Variants in ILRUN observed in about 807,000 individuals in gnomAD.
The protein encoded by ILRUN is protein ILRUN.
Under a neutral mutation model 33.8 loss-of-function variants are expected in ILRUN, and 3 were observed. The ratio of observed to expected loss-of-function variants is 0.09; its 90% CI spans 0.04 to 0.23. ILRUN has a LOEUF of 0.23. Among genes scored for constraint, ILRUN ranks in the 10% least tolerant of loss-of-function variants. The pLI is 1.00. For missense variants in ILRUN, 210 were observed against 375.1 expected (o/e 0.56, Z 3.64); for synonymous variants, 124 against 138.9 (o/e 0.89, Z 0.75).
intron 1 of ILRUN, among the ~76,000 whole-genome samples, chr6:34,682,211 C>T (rs183029764): frequency 1.2e-3 from 173 of 145,296 alleles, no homozygotes; most frequent in Non-Finnish European, 2.3e-3. Context: ...GTCACCCAAG[C>T]TGGAGTGCAA....
At chr6:34,599,005 C>A (rs1220376694) in intron 4 of ILRUN, among the ~76,000 whole-genome samples, 2 of 152,206 alleles carry the variant, frequency 1.3e-5, no homozygotes, top group African/African-American at 4.8e-5. Context: ...GCCACACATT[C>A]TTTTGCAGTT....
chr6:34,668,171 A>C (rs1763042916), intron 1 of ILRUN, among the ~76,000 whole-genome samples: 1 of 152,216 alleles, frequency 6.6e-6, no homozygotes, highest in African/African-American at 2.4e-5. Flanking sequence ...TGCTGCTAAG[A>C]ATGTAGAATG....
Position 34,678,591 on chromosome 6 carries a change from T to TAATC in ILRUN, c.158+17851_158+17854dup, listed in dbSNP as rs1763288180. Among the ~76,000 whole-genome samples, 6 of 151,654 alleles carry TAATC rather than the reference T, an allele frequency of 4.0e-5. No individual in the cohort carries two copies. The South Asian group carries it at 1.3e-3, about 32-fold the overall frequency. On this transcript the variant is annotated intron_variant, in intron 1 of 4. Transcript: ENST00000374023. Reference sequence around the variant, plus strand: ...AGCCAGGCGAGGTGGCTCACACCTGTAATCCCAGCACTTTGGGAGGCCGAG... The same window carrying TAATC: ...AGCCAGGCGAGGTGGCTCACACCTGTAATCAATCCCAGCACTTTGGGAGGCCGAG...
chr6:34,661,151 A>G (rs545114264), intron 1 of ILRUN, among the ~76,000 whole-genome samples: 2 of 152,336 alleles, frequency 1.3e-5, no homozygotes, highest in South Asian at 2.1e-4. Context: ...AAAATAAAAA[A>G]TAAGTACTCT....
chr6:34,679,292 C>A (rs868730743), intron 1 of ILRUN, among the ~76,000 whole-genome samples: 1 of 151,952 alleles, frequency 6.6e-6, no homozygotes, highest in African/African-American at 2.4e-5. Context: ...GGCAGAAATA[C>A]AAATGCGTCC....
intron 3 of ILRUN, among the ~76,000 whole-genome samples, chr6:34,626,184 T>G (rs1582056811): frequency 6.6e-6 from 1 of 152,034 alleles, no homozygotes; most frequent in African/African-American, 2.4e-5. Context: ...TTTTTTTCTC[T>G]TTTCCAAGAC....
chr6:34,675,459 A>T (rs1201513403), intron 1 of ILRUN, among the ~76,000 whole-genome samples: 1 of 152,198 alleles, frequency 6.6e-6, no homozygotes, highest in Non-Finnish European at 1.5e-5. Context: ...CATTGAAAAA[A>T]ATTCAGCTAT....
In ILRUN at chr6:34,622,604, C is replaced by A. The variant is rs921527955; in HGVS notation, c.512-15700G>T. Among the ~76,000 whole-genome samples, 3 of 151,886 alleles carry A rather than the reference C, an allele frequency of 2.0e-5. No homozygotes were observed. The East Asian group carries it at 5.8e-4, about 29-fold the overall frequency. On this transcript the variant is annotated intron_variant, in intron 3 of 4. Transcript: ENST00000374023. ...TGCTTCCTAGAGACATCAGAAAATG[C>A]CAAATGTTGGTGAGGATGTGGAGAA...
chr6:34,638,181 C>G lies in ILRUN; in HGVS notation c.511+8420G>C, dbSNP rs572642247. 3.9e-5 allele frequency among the ~76,000 whole-genome samples: 6 copies of G among 152,152 alleles called. No homozygotes were observed. In the South Asian group the frequency reaches 1.0e-3, roughly 26 times the overall value. ...GGGACTACAGGCATGAGCCACCATG[C>G]CGGGCCTTCATACCGACTTTGACTC... On this transcript the variant is annotated intron_variant, in intron 3 of 4. Coordinates refer to ENST00000374023, the MANE Select transcript of ILRUN (RefSeq NM_024294.4).
chr6:34,636,690 CTGTT>C (rs1305727510), intron 3 of ILRUN, among the ~76,000 whole-genome samples: 2 of 152,196 alleles, frequency 1.3e-5, no homozygotes, highest in African/African-American at 4.8e-5. Flanking sequence ...GCCCTCTACA[CTGTT>C]TAAGATACCA....
intron 3 of ILRUN, among the ~76,000 whole-genome samples, chr6:34,621,011 C>G (rs754195343): frequency 4.6e-5 from 7 of 152,180 alleles, no homozygotes; most frequent in Non-Finnish European, 1.0e-4. Flanking sequence ...GACCAACCAC[C>G]TCCATCAAGA....
intron 1 of ILRUN, among the ~76,000 whole-genome samples, chr6:34,674,825 C>T (rs965552241): frequency 2.6e-5 from 4 of 152,082 alleles, no homozygotes; most frequent in Non-Finnish European, 5.9e-5. Flanking sequence ...CTTTGGGAGG[C>T]CAGGCAGGAG....
rs1562033003 is a variant in ILRUN at position 34,683,461 on chromosome 6, TACATATATATACAC to T, written c.158+12971_158+12984del. On this transcript the variant is annotated intron_variant, in intron 1 of 4. Coordinates refer to ENST00000374023, the MANE Select transcript of ILRUN (RefSeq NM_024294.4). ...ATATACATATATATATACATATATA[TACATATATATACAC>T]ATATATATATACATATATATATACA... Among the ~76,000 whole-genome samples, 32 of 114,516 alleles carry T rather than the reference TACATATATATACAC, an allele frequency of 2.8e-4. 1 individual carries two copies. The highest frequency in any genetic ancestry group is 1.4e-3 in the African/African-American group (32 of 22,972). The allele number at this position is 114,516 out of a possible 152,430, so 75.1% of individuals were successfully genotyped here.
At chr6:34,647,470 T>C (rs371566544) in intron 2 of ILRUN, among the ~76,000 whole-genome samples, 3 of 152,090 alleles carry the variant, frequency 2.0e-5, no homozygotes, top group Non-Finnish European at 4.4e-5. Flanking sequence ...GCAGGAACAA[T>C]GGCACTAGTT....
At chr6:34,624,416 C>T (rs1357381273) in intron 3 of ILRUN, among the ~76,000 whole-genome samples, 1 of 151,908 alleles carries the variant, frequency 6.6e-6, no homozygotes, top group Non-Finnish European at 1.5e-5. Context: ...CTCCACCTCC[C>T]GGGTTCAAGC....
At position 34,678,002 on chromosome 6, in the gene ILRUN, T is replaced by TGGC. The variant is rs1246131792; in HGVS notation, c.158+18441_158+18443dup. On this transcript the variant is annotated intron_variant, in intron 1 of 4. Transcript: ENST00000374023. ...GATTACAGGTGTGCACCACTGTGTCTGGCCTGAGAATTGACATATTTAATA... is the reference window on the plus strand; with the variant it reads ...GATTACAGGTGTGCACCACTGTGTCTGGCGGCCTGAGAATTGACATATTTAATA... 4.6e-5 allele frequency among the ~76,000 whole-genome samples: 7 copies of TGGC among 151,154 alleles called. 1 individual carries two copies. The highest frequency in any genetic ancestry group is 1.5e-4 in the African/African-American group (6 of 41,202).
Position 34,637,864 on chromosome 6 carries a change from C to CTGCTGCTGTTGTTGTTGT in ILRUN, c.511+8736_511+8737insACAACAACAACAGCAGCA, listed in dbSNP as rs749114775. Among the ~76,000 whole-genome samples, 988 of 142,002 alleles carry CTGCTGCTGTTGTTGTTGT rather than the reference C, an allele frequency of 7.0e-3. 10 individuals carry two copies. Among genetic ancestry groups the CTGCTGCTGTTGTTGTTGT allele is most frequent in the African/African-American group, 0.014 (525 of 36,882 alleles). 93.2% of individuals were successfully genotyped at this position (142,002 alleles called of 152,430 possible). The stretch of plus-strand genomic sequence containing the variant: ...GTTGTTGCTGCTGCTGCTGCTGCTG[C>CTGCTGCTGTTGTTGTTGT]TGTTGTTGTTGTTGTTGTTGTTGTT... On this transcript the variant is annotated intron_variant, in intron 3 of 4. Transcript: ENST00000374023.
Position 34,674,462 on chromosome 6 carries a change from C to G in ILRUN, c.159-19683G>C, listed in dbSNP as rs773563750. On this transcript the variant is annotated intron_variant, in intron 1 of 4. Coordinates refer to ENST00000374023, the MANE Select transcript of ILRUN (RefSeq NM_024294.4). ...AGCAGAGGCTTTGAACTTTGCTCTT[C>G]ACCACTACTTTGGCTATCACAAAGC... Among the ~76,000 whole-genome samples the G allele has an allele frequency of 2.8e-4, 42 of 152,336 alleles. 3 individuals are homozygous for G. Among genetic ancestry groups the G allele is most frequent in the Admixed American group, 4.6e-4 (7 of 15,308 alleles).
chr6:34,679,034 A>G lies in ILRUN; in HGVS notation c.158+17412T>C, dbSNP rs191915200. On this transcript the variant is annotated intron_variant, in intron 1 of 4. Coordinates refer to ENST00000374023, the MANE Select transcript of ILRUN (RefSeq NM_024294.4). ...GGTGAGGATCGAAAAACTACTTGTCAGGTACTATGCTTATTACCTTGGCGA... is the reference window on the plus strand; with the variant it reads ...GGTGAGGATCGAAAAACTACTTGTCGGGTACTATGCTTATTACCTTGGCGA... 2.2e-4 allele frequency among the ~76,000 whole-genome samples: 34 copies of G among 151,948 alleles called. 1 individual carries two copies. Among genetic ancestry groups the G allele is most frequent in the Admixed American group, 4.6e-4 (7 of 15,232 alleles).
Sources: gnomAD v4.1 joint callset for allele counts (sites outside exome capture counted in the v4.1 genomes callset) on GRCh38, gnomAD v4.1.1 for gene constraint, MANE v1.5 for transcripts, NCBI Gene and HGNC (gene_info 2026-07-23, HGNC 2026-07-21) for gene names.